Variants in SPOCK2 observed in about 807,000 individuals in gnomAD.
SPOCK2 encodes testican-2.
In SPOCK2, 39 loss-of-function variants were observed where a neutral mutation model predicts 60.1. The observed-to-expected ratio is 0.65, with a 90% confidence interval of 0.50 to 0.85. The LOEUF (loss-of-function observed/expected upper bound fraction) is 0.85. Among genes scored for constraint, SPOCK2 ranks in the 40% least tolerant of loss-of-function variants. The pLI, the probability that SPOCK2 is intolerant of heterozygous loss-of-function variation, is 0.00. For missense variants in SPOCK2, 523 were observed against 567.4 expected (o/e 0.92, Z 0.80); for synonymous variants, 217 against 231.5 (o/e 0.94, Z 0.57).
intron 4 of SPOCK2, among the ~76,000 whole-genome samples, chr10:72,071,249 G>A (rs1840643262): frequency 1.3e-5 from 2 of 151,980 alleles, no homozygotes; most frequent in South Asian, 4.2e-4. Flanking sequence ...GAGTGCAGTG[G>A]CGTGATCTCG....
chr10:72,083,286 C>A (rs1350067985), intron 1 of SPOCK2, among the ~76,000 whole-genome samples: 1 of 152,238 alleles, frequency 6.6e-6, no homozygotes, highest in Non-Finnish European at 1.5e-5. Context: ...GCAGGGTATA[C>A]ATGTGGGTGG....
At chr10:72,073,054 G>A (rs563122178) in intron 1 of SPOCK2, 144 bp from the exon 2 acceptor site, 1 of 1,137,310 alleles carries the variant, frequency 8.8e-7, no homozygotes, top group Non-Finnish European at 1.3e-6. Context: ...TTCGATGGCT[G>A]TGTTCCTCTG....
chr10:72,089,024 A>G (rs576133382), upstream of SPOCK2: 1 of 152,400 alleles, frequency 6.6e-6, no homozygotes, highest in South Asian at 2.1e-4. Context: ...CAAAAGCCGT[A>G]TAACAACTGG....
chr10:72,088,382 C>G lies in SPOCK2; in HGVS notation c.-54G>C. ...TTGACTTCTGCAGTATTTTAATGTC[C>G]TTCCTCCCACCCCGCTGCTGGCGAA... On this transcript the variant is annotated 5_prime_UTR_variant, in exon 1 of 11. Transcript: ENST00000373109. 6.9e-7 allele frequency: 1 copy of G among 1,452,794 alleles called. No homozygotes were observed. Among genetic ancestry groups the G allele is most frequent in the Non-Finnish European group, 9.1e-7 (1 of 1,103,202 alleles). The allele number at this position is 1,452,794 out of a possible 1,614,324, so 90.0% of individuals were successfully genotyped here.
Position 72,062,650 on chromosome 10 carries a change from G to C in SPOCK2, c.*110C>G. On this transcript the variant is annotated 3_prime_UTR_variant, in exon 11 of 11. Transcript: ENST00000373109. The surrounding 1 kb of genome is among the most constrained non-coding windows in gnomAD (Gnocchi z 4.3). Reference sequence around the variant, plus strand: ...CACACTCACACTCCCAGTCCCCCCAGGTGGAGCAGGGTCCTTCTGACTGCA... The same window carrying C: ...CACACTCACACTCCCAGTCCCCCCACGTGGAGCAGGGTCCTTCTGACTGCA... 6.6e-7 allele frequency: 1 copy of C among 1,509,000 alleles called. No individual in the cohort carries two copies. The highest frequency in any genetic ancestry group is 8.8e-7 in the Non-Finnish European group (1 of 1,137,672). The allele number at this position is 1,509,000 out of a possible 1,614,324, so 93.5% of individuals were successfully genotyped here. A position where few individuals can be genotyped will look rare whatever the true frequency, so the allele number is the denominator to read the frequency against.
Position 72,060,486 on chromosome 10 carries a change from TAAC to T in SPOCK2, c.*2271_*2273del. 2 of 151,464 alleles carry T rather than the reference TAAC, an allele frequency of 1.3e-5. No individual in the cohort carries two copies. The highest frequency in any genetic ancestry group is 3.0e-5 in the Non-Finnish European group (2 of 67,792). 9.4% of individuals were successfully genotyped at this position (151,464 alleles called of 1,614,324 possible). A position where few individuals can be genotyped will look rare whatever the true frequency, so the allele number is the denominator to read the frequency against. On this transcript the variant is annotated 3_prime_UTR_variant, in exon 11 of 11. Transcript: ENST00000373109. Reference sequence around the variant, plus strand: ...CCTTCCCCAGGCCCCCCAGCATCCTTAACAACCCCCACCCCCACCCCGAGGAGG... The same window carrying T: ...CCTTCCCCAGGCCCCCCAGCATCCTTAACCCCCACCCCCACCCCGAGGAGG...
chr10:72,079,439 T>A (rs1396984264), intron 1 of SPOCK2, among the ~76,000 whole-genome samples: 1 of 152,164 alleles, frequency 6.6e-6, no homozygotes, highest in Non-Finnish European at 1.5e-5. Flanking sequence ...CCCCTTCACA[T>A]GACCCCTGGT....
chr10:72,064,356 T>C, intron 8 of SPOCK2, 116 bp from the exon 9 acceptor site: 1 of 1,153,834 alleles, frequency 8.7e-7, no homozygotes, highest in Non-Finnish European at 1.2e-6. Flanking sequence ...AACACCCCGT[T>C]TCTGACACGG....
intron 9 of SPOCK2, 120 bp downstream of exon 9, chr10:72,064,058 C>T (rs1589117046): frequency 7.6e-7 from 1 of 1,320,020 alleles, no homozygotes; most frequent in South Asian, 1.3e-5. Context: ...TCTTCCTAGG[C>T]CAGGGCCTCC....
At position 72,066,891 on chromosome 10, in the gene SPOCK2, G is replaced by A. The variant is rs756419499; in HGVS notation, c.928+11C>T. 7 of 1,613,684 alleles carry A rather than the reference G, an allele frequency of 4.3e-6. No homozygotes were observed. The highest frequency in any genetic ancestry group is 1.3e-5 in the African/African-American group (1 of 74,908). Reference sequence around the variant, plus strand: ...GGTGAGGCAGGGGCCTGGGAGGGGGGCTGCACTCACTCTCCCTCCAGAAGC... The same window carrying A: ...GGTGAGGCAGGGGCCTGGGAGGGGGACTGCACTCACTCTCCCTCCAGAAGC... On this transcript the variant is annotated intron_variant, in intron 8 of 10. Coordinates refer to ENST00000373109, the MANE Select transcript of SPOCK2 (RefSeq NM_001244950.2).
intron 9 of SPOCK2, 98 bp downstream of exon 9, chr10:72,064,080 T>C: frequency 1.3e-6 from 2 of 1,483,940 alleles, no homozygotes; most frequent in South Asian, 1.2e-5. Flanking sequence ...CTGGGCTCCA[T>C]GTCTGCCATG....
chr10:72,074,659 G>A (rs1359398278), intron 1 of SPOCK2, among the ~76,000 whole-genome samples: 1 of 152,216 alleles, frequency 6.6e-6, no homozygotes, highest in Non-Finnish European at 1.5e-5. Flanking sequence ...TCTCCCTCAG[G>A]CTGGCCTTCC....
intron 1 of SPOCK2, among the ~76,000 whole-genome samples, chr10:72,079,940 C>A (rs955183904): frequency 9.9e-5 from 15 of 152,004 alleles, no homozygotes; most frequent in Admixed American, 2.6e-4. Context: ...AAGGATGACC[C>A]CCTTGCCTTC....
chr10:72,088,068 C>T, intron 1 of SPOCK2, 72 bp downstream of exon 1: 2 of 1,564,158 alleles, frequency 1.3e-6, no homozygotes, highest in South Asian at 1.1e-5. Flanking sequence ...GGCGGCCGCT[C>T]CCGCAGACCC....
At chr10:72,075,620 C>A (rs924107505) in intron 1 of SPOCK2, among the ~76,000 whole-genome samples, 1 of 152,200 alleles carries the variant, frequency 6.6e-6, no homozygotes, top group Admixed American at 6.5e-5. Flanking sequence ...CGTGGGAGTT[C>A]TAAGAAAGGG....
chr10:72,081,168 C>G (rs1840779101), intron 1 of SPOCK2, among the ~76,000 whole-genome samples: 1 of 152,318 alleles, frequency 6.6e-6, no homozygotes, highest in Middle Eastern at 3.4e-3. Flanking sequence ...GGTGCCTGCC[C>G]TTTCTCTGGC....
At chr10:72,066,858 C>G (rs1840574895) in intron 8 of SPOCK2, 44 bp downstream of exon 8, 5 of 1,609,228 alleles carry the variant, frequency 3.1e-6, no homozygotes, top group Non-Finnish European at 4.3e-6. Flanking sequence ...TCGGGTAGAG[C>G]CCACACGGGT....
chr10:72,066,503 A>AT (rs34886842), intron 8 of SPOCK2, among the ~76,000 whole-genome samples: 49,834 of 123,914 alleles, frequency 0.4, 10,048 homozygotes, highest in Middle Eastern at 0.52. Flanking sequence ...ATGCCTGGCT[A>AT]TTTTTTTTTT....
chr10:72,072,081 C>A, intron 4 of SPOCK2, 63 bp downstream of exon 4: 1 of 1,299,424 alleles, frequency 7.7e-7, no homozygotes, highest in South Asian at 1.8e-5. Flanking sequence ...AGGAGAGGGT[C>A]AGTTGAGCCC....
Sources: gnomAD v4.1 joint callset for allele counts (sites outside exome capture counted in the v4.1 genomes callset) on GRCh38, gnomAD v4.1.1 for gene constraint, Gnocchi (gnomAD v3.1) non-coding constraint, MANE v1.5 for transcripts, NCBI Gene and HGNC (gene_info 2026-07-23, HGNC 2026-07-21) for gene names.